Variants in OSBPL9 observed in about 807,000 individuals in gnomAD.
OSBPL9 encodes oxysterol-binding protein-related protein 9.
In OSBPL9, 40 loss-of-function variants were observed where a neutral mutation model predicts 106.6. That is an observed-to-expected ratio of 0.38 (90% CI 0.29 to 0.49). The LOEUF (loss-of-function observed/expected upper bound fraction) is 0.49, where lower values mean the gene tolerates loss of function less well. OSBPL9 is among the 20% of genes least tolerant of loss of function. OSBPL9 has a pLI of 0.97. For synonymous variants in OSBPL9, 269 were observed against 295.4 expected (o/e 0.91, Z 0.92); for missense variants, 609 against 887.2 (o/e 0.69, Z 3.98).
At chr1:51,598,947 T>A (rs1445009069) in intron 2 of OSBPL9, among the ~76,000 whole-genome samples, 6 of 149,922 alleles carry the variant, frequency 4.0e-5, no homozygotes. Context: ...TGAGCCAAGA[T>A]CGTGCCATTG....
At chr1:51,607,718 G>T (rs945377914) in intron 2 of OSBPL9, among the ~76,000 whole-genome samples, 3 of 152,204 alleles carry the variant, frequency 2.0e-5, no homozygotes, top group Non-Finnish European at 2.9e-5. Context: ...TAGCAGCAGT[G>T]AATCCATACG....
At chr1:51,775,720 C>T (rs1674915866) in intron 14 of OSBPL9, among the ~76,000 whole-genome samples, 1 of 152,130 alleles carries the variant, frequency 6.6e-6, no homozygotes, top group African/African-American at 2.4e-5. Context: ...AAGTGATTCT[C>T]CTGCCTCAGC....
rs373834872 is a variant in OSBPL9 at position 51,784,678 on chromosome 1, G to T, written c.1829+96G>T. The T allele has an allele frequency of 5.0e-6, 7 of 1,388,138 alleles. No homozygotes were observed. In the African/African-American group the frequency reaches 5.8e-5, roughly 11 times the overall value. 86.0% of individuals were successfully genotyped at this position (1,388,138 alleles called of 1,614,324 possible). On this transcript the variant is annotated intron_variant, in intron 20 of 23. Transcript: ENST00000428468. ...TTCTGGATTAGGAGTGTGAAAGAAT[G>T]GTTCTGTCTTTGTAAGCGTGTTTCA...
chr1:51,557,383 G>A, the OSBPL9 span, among the ~76,000 whole-genome samples: 1 of 152,122 alleles, frequency 6.6e-6, no homozygotes, highest in Admixed American at 6.5e-5. Flanking sequence ...AGTCTTGTTA[G>A]GAGAACTGCC....
At chr1:51,566,675 A>C in the OSBPL9 span, 2 of 152,228 alleles carry the variant, frequency 1.3e-5, no homozygotes, top group African/African-American at 4.8e-5. Flanking sequence ...CACACTCTTT[A>C]ACCCATTTTT....
At chr1:51,628,225 A>G (rs1362709334) in intron 1 of OSBPL9, among the ~76,000 whole-genome samples, 1 of 152,200 alleles carries the variant, frequency 6.6e-6, no homozygotes, top group African/African-American at 2.4e-5. Context: ...TTTATGCACA[A>G]ATACACATCT....
At chr1:51,618,671 T>G (rs1422101354) in intron 1 of OSBPL9, among the ~76,000 whole-genome samples, 1 of 152,262 alleles carries the variant, frequency 6.6e-6, no homozygotes, top group South Asian at 2.1e-4. Context: ...GTTCCTCTTC[T>G]CTGGAGCTTA....
chr1:51,606,001 GAGAGAGAA>G (rs1382334932), intron 2 of OSBPL9, among the ~76,000 whole-genome samples: 1 of 150,100 alleles, frequency 6.7e-6, no homozygotes, highest in Non-Finnish European at 1.5e-5. Context: ...GAGAGAGAGA[GAGAGAGAA>G]AGAAAAAAGA....
rs975754457 is a variant in OSBPL9, at chr1:51,682,985, T to C, written c.241+13473T>C. Among the ~76,000 whole-genome samples, 3 of 152,000 alleles carry C rather than the reference T, an allele frequency of 2.0e-5. No homozygotes were observed. The East Asian group carries it at 5.9e-4, about 30-fold the overall frequency. ...TCCGCCTCCCAGGTTCAAGCAATTC[T>C]CCTACCTTAGCCTCCCGAGTAGCTA... On this transcript the variant is annotated intron_variant, in intron 3 of 23. Transcript: ENST00000428468.
chr1:51,780,495 G>T (rs949804389), intron 15 of OSBPL9, among the ~76,000 whole-genome samples: 2 of 152,110 alleles, frequency 1.3e-5, no homozygotes, highest in African/African-American at 2.4e-5. Context: ...AGCAAATAAA[G>T]AAAACGTGGC....
chr1:51,754,271 TTA>T (rs1397645292), intron 8 of OSBPL9, among the ~76,000 whole-genome samples: 1 of 152,256 alleles, frequency 6.6e-6, no homozygotes, highest in Non-Finnish European at 1.5e-5. Context: ...CATTGTTTAA[TTA>T]TCACTGAAAT....
In OSBPL9 at chr1:51,611,836, G is replaced by A. The variant is rs188893965; in HGVS notation, c.-352-2469G>A. Reference sequence around the variant, plus strand: ...CTAAAAATACAAAAATTAGCCGGGCGTGGTGGCGGGCGCCTGTAGTCCCAG... The same window carrying A: ...CTAAAAATACAAAAATTAGCCGGGCATGGTGGCGGGCGCCTGTAGTCCCAG... On this transcript the variant is annotated intron_variant, in intron 2 of 25. Coordinates refer to the OSBPL9 transcript ENST00000371714. 2.9e-3 allele frequency among the ~76,000 whole-genome samples: 440 copies of A among 152,230 alleles called. 3 individuals carry two copies. Among genetic ancestry groups the A allele is most frequent in the African/African-American group, 9.7e-3 (402 of 41,528 alleles).
At chr1:51,685,689 C>T (rs989833463) in intron 3 of OSBPL9, among the ~76,000 whole-genome samples, 2 of 152,208 alleles carry the variant, frequency 1.3e-5, no homozygotes, top group African/African-American at 2.4e-5. Flanking sequence ...TGATTCACTG[C>T]ACCCGGCCCC....
chr1:51,562,632 C>G, the OSBPL9 span, among the ~76,000 whole-genome samples: 1 of 152,186 alleles, frequency 6.6e-6, no homozygotes, highest in African/African-American at 2.4e-5. Flanking sequence ...TCAAATTCCC[C>G]TTGCTACCCA....
intron 2 of OSBPL9, among the ~76,000 whole-genome samples, chr1:51,660,977 T>G (rs1378125263): frequency 6.6e-6 from 1 of 152,224 alleles, no homozygotes; most frequent in East Asian, 1.9e-4. Context: ...GTTGGACTTT[T>G]GGCAAACTTA....
intron 4 of OSBPL9, among the ~76,000 whole-genome samples, chr1:51,739,570 C>T (rs573898475): frequency 6.6e-6 from 1 of 152,076 alleles, no homozygotes; most frequent in East Asian, 1.9e-4. Context: ...TGGAAAATAA[C>T]TTCTCTAAGG....
chr1:51,701,695 G>A lies in OSBPL9; in HGVS notation c.242-12308G>A, dbSNP rs533294362. On this transcript the variant is annotated intron_variant, in intron 3 of 23. Transcript: ENST00000428468. ...AAGTTTTAGGGTACATGTGCACAAC[G>A]TGCAGGTTTGTTACATATGTATACA... Among the ~76,000 whole-genome samples, 19 of 151,116 alleles carry A rather than the reference G, an allele frequency of 1.3e-4. No homozygotes were observed. The East Asian group carries it at 3.5e-3, about 28-fold the overall frequency.
intron 2 of OSBPL9, among the ~76,000 whole-genome samples, chr1:51,606,009 A>G (rs141064089): frequency 2.1e-5 from 3 of 143,180 alleles, no homozygotes; most frequent in Non-Finnish European, 3.2e-5. Context: ...GAGAGAGAGA[A>G]AGAAAAAAGA....
chr1:51,647,167 G>A (rs1159491140), intron 1 of OSBPL9, among the ~76,000 whole-genome samples: 2 of 151,970 alleles, frequency 1.3e-5, no homozygotes, highest in Admixed American at 1.3e-4. Context: ...CGTTTTCTGT[G>A]TCTTTTGAGA....
Sources: gnomAD v4.1 joint callset for allele counts (sites outside exome capture counted in the v4.1 genomes callset) on GRCh38, gnomAD v4.1.1 for gene constraint, MANE v1.5 for transcripts, NCBI Gene and HGNC (gene_info 2026-07-23, HGNC 2026-07-21) for gene names.